The following SHLD2 variants were observed in gnomAD, a reference collection of about 807,000 sequenced individuals.
SHLD2 encodes the protein shieldin complex subunit 2, also known as RINN1-REV7-interacting novel NHEJ regulator 2.
A neutral mutation model predicts 73.2 loss-of-function variants in SHLD2; 30 were observed. The observed-to-expected ratio is 0.41, with a 90% CI of 0.31 to 0.56. The LOEUF is 0.56. SHLD2 is among the 20% of genes least tolerant of loss of function. The pLI, the probability that SHLD2 is intolerant of heterozygous loss-of-function variation, is 0.28. For synonymous variants in SHLD2, 285 were observed against 370.1 expected (o/e 0.77, Z 2.64); for missense variants, 745 against 1,055.9 (o/e 0.71, Z 4.08).
intron 2 of SHLD2, among the ~76,000 whole-genome samples, chr10:87,134,172 C>T (rs1441378846): frequency 6.6e-6 from 1 of 152,148 alleles, no homozygotes; most frequent in African/African-American, 2.4e-5. Context: ...ATTCAGCTTC[C>T]TCTTCAGATG....
chr10:87,100,113 A>C (rs1842168794), intron 2 of SHLD2, among the ~76,000 whole-genome samples: 1 of 152,200 alleles, frequency 6.6e-6, no homozygotes, highest in African/African-American at 2.4e-5. Flanking sequence ...ATTTTGATGA[A>C]GTCCAATTTA....
chr10:87,095,069 A>T (rs1366781763), upstream of SHLD2: 1 of 141,324 alleles, frequency 7.1e-6, no homozygotes, highest in Non-Finnish European at 1.6e-5. Flanking sequence ...CTCGGCGCGC[A>T]CGCTCGCGCG....
chr10:87,178,185 G>A (rs1389983058), intron 7 of SHLD2, among the ~76,000 whole-genome samples: 1 of 131,336 alleles, frequency 7.6e-6, no homozygotes, highest in African/African-American at 2.9e-5. Flanking sequence ...GCAGTGAGCC[G>A]AGATTGCACC....
intron 2 of SHLD2, among the ~76,000 whole-genome samples, chr10:87,147,080 A>C (rs1268142736): frequency 2.7e-5 from 4 of 150,504 alleles, no homozygotes; most frequent in East Asian, 1.9e-4. Context: ...AAGAAAAAAA[A>C]AAAAAAAACA....
chr10:87,128,290 G>A (rs1467736728), intron 2 of SHLD2, among the ~76,000 whole-genome samples: 1 of 152,154 alleles, frequency 6.6e-6, no homozygotes, highest in Non-Finnish European at 1.5e-5. Flanking sequence ...TGCATGATTT[G>A]CTGTGTCCTT....
upstream of SHLD2, chr10:87,094,894 G>C (rs1367071098): frequency 3.0e-5 from 19 of 641,416 alleles, no homozygotes; most frequent in Non-Finnish European, 4.7e-5. This position sits in a 1 kb window ranked among gnomAD's most constrained non-coding sequence, Gnocchi z 6.6. Flanking sequence ...CTGCTTGCCC[G>C]GCTGTCCCCT....
chr10:87,134,150 T>C (rs1170388098), intron 2 of SHLD2, among the ~76,000 whole-genome samples: 1 of 152,128 alleles, frequency 6.6e-6, no homozygotes, highest in African/African-American at 2.4e-5. Context: ...CCATTTGAGG[T>C]CTGGGGAAAG....
chr10:87,172,763 T>G (rs1416647275), intron 6 of SHLD2, among the ~76,000 whole-genome samples: 1 of 151,972 alleles, frequency 6.6e-6, no homozygotes, highest in Non-Finnish European at 1.5e-5. Context: ...CATAAAAATT[T>G]TCAAGAAAAC....
chr10:87,185,923 G>T (rs1000780454), intron 8 of SHLD2, among the ~76,000 whole-genome samples: 11 of 152,158 alleles, frequency 7.2e-5, no homozygotes, highest in Admixed American at 3.3e-4. Flanking sequence ...GCCCAGGCTG[G>T]TCTCAAACTC....
At chr10:87,150,349 C>T (rs1044896534) in intron 2 of SHLD2, among the ~76,000 whole-genome samples, 1 of 152,074 alleles carries the variant, frequency 6.6e-6, no homozygotes, top group African/African-American at 2.4e-5. Flanking sequence ...CAGGCATGAA[C>T]CACTGTGCTC....
rs778200794 is a variant in SHLD2 at position 87,180,056 on chromosome 10, A to G, written c.2171-19A>G. On this transcript the variant is annotated intron_variant, in intron 7 of 9. Coordinates refer to ENST00000298786, the MANE Select transcript of SHLD2 (RefSeq NM_001330112.2). ...ATTTTGGCCCAATAATTTATAATAT[A>G]TCTGTTTGTTGTTTGTAGGAGTGGT... is the stretch of plus-strand genomic sequence containing the variant. The G allele has an allele frequency of 6.3e-7, 1 of 1,599,106 alleles. No individual in the cohort carries two copies. The highest frequency in any genetic ancestry group is 1.7e-5 in the Admixed American group (1 of 60,006).
At chr10:87,185,740 G>A (rs1265821885) in intron 8 of SHLD2, among the ~76,000 whole-genome samples, 3 of 151,752 alleles carry the variant, frequency 2.0e-5, no homozygotes, top group Non-Finnish European at 2.9e-5. Context: ...GTTAAGTTTT[G>A]TATGTGGGAT....
chr10:87,148,574 G>T, intron 2 of SHLD2, among the ~76,000 whole-genome samples: 1 of 149,968 alleles, frequency 6.7e-6, no homozygotes, highest in East Asian at 2.0e-4. Flanking sequence ...GGCGGGGGTT[G>T]GTTTTATTTT....
At chr10:87,165,205 A>G (rs1847114528) in intron 4 of SHLD2, among the ~76,000 whole-genome samples, 1 of 148,472 alleles carries the variant, frequency 6.7e-6, no homozygotes, top group African/African-American at 2.5e-5. Flanking sequence ...AAAAAAAAAT[A>G]CAAAACACAA....
chr10:87,151,785 A>G lies in SHLD2; in HGVS notation c.431A>G (p.Glu144Gly). 2 of 1,612,016 alleles carry G rather than the reference A, an allele frequency of 1.2e-6. No individual in the cohort carries two copies. Among genetic ancestry groups the G allele is most frequent in the Non-Finnish European group, 8.5e-7 (1 of 1,179,852 alleles). Reference protein sequence around the residue: ...EEEKYQKLLSENKIRDEQPKH... With the variant: ...EEEKYQKLLSGNKIRDEQPKH... Reference sequence around the variant, plus strand: ...GAAAAGTATCAAAAGCTTCTCAGTGAAAATAAAATTAGAGATGAACAGCCT... The same window carrying G: ...GAAAAGTATCAAAAGCTTCTCAGTGGAAATAAAATTAGAGATGAACAGCCT... The change falls in exon 3 of 10, where the codon GAA (glutamate) becomes GGA (glycine). Residue 144 changes from glutamate to glycine, a missense_variant. Transcript: ENST00000298786.
At chr10:87,132,699 A>C (rs1844513249) in intron 2 of SHLD2, among the ~76,000 whole-genome samples, 2 of 151,424 alleles carry the variant, frequency 1.3e-5, no homozygotes, top group Admixed American at 6.6e-5. Flanking sequence ...GCTTGAGCCC[A>C]GGAGGTCAAG....
At chr10:87,182,273 T>G (rs1848361231) in intron 8 of SHLD2, among the ~76,000 whole-genome samples, 1 of 152,226 alleles carries the variant, frequency 6.6e-6, no homozygotes, top group South Asian at 2.1e-4. Context: ...CCACGTATGT[T>G]CACATATCAC....
At chr10:87,174,851 C>T (rs1160633164) in intron 6 of SHLD2, among the ~76,000 whole-genome samples, 3 of 151,972 alleles carry the variant, frequency 2.0e-5, no homozygotes, top group Non-Finnish European at 4.4e-5. Flanking sequence ...CGTGGTGGCT[C>T]CCGCCTGTAA....
At chr10:87,109,550 C>T (rs774099271) in intron 2 of SHLD2, among the ~76,000 whole-genome samples, 22 of 152,178 alleles carry the variant, frequency 1.4e-4, no homozygotes, top group South Asian at 2.1e-4. Context: ...CCACCCTCCC[C>T]GGCCTCCCAG....
Sources: allele counts gnomAD v4.1 joint callset (sites outside exome capture counted in the v4.1 genomes callset), GRCh38; gene constraint gnomAD v4.1.1; non-coding constraint Gnocchi (gnomAD v3.1); transcripts MANE v1.5; gene names NCBI Gene and HGNC (gene_info 2026-07-23, HGNC 2026-07-21).